Variants in TYW1 observed in about 807,000 individuals in gnomAD.
TYW1 encodes the protein S-adenosyl-L-methionine-dependent tRNA 4-demethylwyosine synthase TYW1.
A neutral mutation model predicts 96.2 loss-of-function variants in TYW1; 46 were observed. The ratio of observed to expected loss-of-function variants is 0.48; its 90% CI spans 0.38 to 0.61. The LOEUF is 0.61. Ranked by LOEUF, TYW1 falls within the 20% of genes least tolerant of loss-of-function variation. The pLI is 0.00. For missense variants in TYW1, 684 were observed against 909.6 expected (o/e 0.75, Z 3.19); for synonymous variants, 274 against 323.0 (o/e 0.85, Z 1.63).
intron 13 of TYW1, among the ~76,000 whole-genome samples, chr7:67,153,554 TA>T (rs1229183696): frequency 6.6e-6 from 1 of 152,252 alleles, no homozygotes; most frequent in South Asian, 2.1e-4. Flanking sequence ...GCTATATGTA[TA>T]ATGTAGTCTG....
intron 15 of TYW1, among the ~76,000 whole-genome samples, chr7:67,212,516 A>G (rs1801066188): frequency 6.6e-6 from 1 of 152,180 alleles, no homozygotes; most frequent in Non-Finnish European, 1.5e-5. Context: ...AAATATCTAA[A>G]TGCAATTGCT....
At chr7:67,120,669 A>G (rs1436313961) in intron 13 of TYW1, among the ~76,000 whole-genome samples, 2 of 152,226 alleles carry the variant, frequency 1.3e-5, no homozygotes, top group Non-Finnish European at 2.9e-5. Flanking sequence ...CCCATCTGAC[A>G]TTGTTATCTA....
At chr7:67,032,162 A>G (rs1794690954) in intron 7 of TYW1, among the ~76,000 whole-genome samples, 1 of 152,140 alleles carries the variant, frequency 6.6e-6, no homozygotes, top group Non-Finnish European at 1.5e-5. Flanking sequence ...AGAAAAGACC[A>G]TTGTCTGGAC....
In TYW1 at chr7:66,998,818, G is replaced by A; in HGVS notation, c.137G>A (p.Gly46Asp). 1.2e-6 allele frequency: 2 copies of A among 1,613,966 alleles called. No individual in the cohort carries two copies. Among genetic ancestry groups the A allele is most frequent in the South Asian group, 2.2e-5 (2 of 91,054 alleles). Residue 46 changes from glycine to aspartate, a missense_variant and splice_region_variant, in exon 3 of 16, where the codon GGC becomes GAC. Coordinates refer to ENST00000359626, the MANE Select transcript of TYW1 (RefSeq NM_018264.4). ...TTTGTGTAATTATTTGTCTTCAAGG[G>A]CAAGAACTTACAGGAAAAATCTGTT... ...ICVQIVIKTQ[G>D]KNLQEKSVPK...
intron 13 of TYW1, among the ~76,000 whole-genome samples, chr7:67,162,568 G>C (rs1001397174): frequency 6.6e-6 from 1 of 152,090 alleles, no homozygotes; most frequent in Non-Finnish European, 1.5e-5. Flanking sequence ...AGCATAATTT[G>C]GCTGTCTTAA....
At chr7:67,011,918 A>G (rs1389808615) in intron 4 of TYW1, among the ~76,000 whole-genome samples, 2 of 151,934 alleles carry the variant, frequency 1.3e-5, no homozygotes, top group Non-Finnish European at 1.5e-5. Context: ...GGGGTTGACA[A>G]ACTTTCACGT....
At chr7:67,114,935 CA>C (rs1478594439) in intron 12 of TYW1, among the ~76,000 whole-genome samples, 2 of 151,992 alleles carry the variant, frequency 1.3e-5, no homozygotes, top group Non-Finnish European at 2.9e-5. Flanking sequence ...TCCTTGAGTG[CA>C]GCATCTCAGA....
chr7:67,176,117 C>T (rs1020213979), intron 13 of TYW1, among the ~76,000 whole-genome samples: 17 of 152,082 alleles, frequency 1.1e-4, no homozygotes, highest in African/African-American at 3.9e-4. Context: ...ATTAAAATAT[C>T]AGTTAAATAT....
At chr7:67,123,688 A>AAG (rs1311308684) in intron 13 of TYW1, among the ~76,000 whole-genome samples, 1 of 152,214 alleles carries the variant, frequency 6.6e-6, no homozygotes, top group Non-Finnish European at 1.5e-5. Flanking sequence ...AAAGAAGGCA[A>AAG]AGAGGGAGTC....
chr7:67,208,412 T>C (rs35649461), intron 15 of TYW1, among the ~76,000 whole-genome samples: 40,717 of 150,956 alleles, frequency 0.27, 5,821 homozygotes, highest in African/African-American at 0.36. Flanking sequence ...CCCACAACCA[T>C]CGGGCGCGGT....
Position 67,098,564 on chromosome 7 carries a change from C to T in TYW1, c.1408C>T (p.Arg470Cys), listed in dbSNP as rs1016237223. ...FKGVPGVKAE[R>C]FEEGMTVKHC... ...AGGAGTACCGGGCGTCAAAGCAGAA[C>T]GCTTTGAAGAAGGAATGACGGTAAA... Residue 470 changes from arginine to cysteine, a missense_variant, in exon 12 of 16, where the codon CGC becomes TGC. Transcript: ENST00000359626. 21 of 1,593,684 alleles carry T rather than the reference C, an allele frequency of 1.3e-5. No homozygotes were observed. The highest frequency in any genetic ancestry group is 1.5e-5 in the Non-Finnish European group (17 of 1,167,180).
chr7:67,070,344 T>A (rs557985038), intron 10 of TYW1, among the ~76,000 whole-genome samples: 1 of 152,332 alleles, frequency 6.6e-6, no homozygotes, highest in East Asian at 1.9e-4. Context: ...TATCTCCTTC[T>A]GGAACTTTTA....
At chr7:67,069,367 C>T (rs1273033093) in intron 10 of TYW1, among the ~76,000 whole-genome samples, 1 of 152,070 alleles carries the variant, frequency 6.6e-6, no homozygotes, top group Non-Finnish European at 1.5e-5. Context: ...TACTGTATGC[C>T]CATTAACATA....
At chr7:67,046,063 A>G (rs1259913982) in intron 7 of TYW1, among the ~76,000 whole-genome samples, 6 of 152,178 alleles carry the variant, frequency 3.9e-5, no homozygotes, top group Non-Finnish European at 7.3e-5. Context: ...AGGCTGGGGC[A>G]GGTTTTATAG....
intron 14 of TYW1, among the ~76,000 whole-genome samples, chr7:67,193,587 C>G (rs10277509): frequency 0.25 from 38,130 of 151,896 alleles, 4,961 homozygotes; most frequent in African/African-American, 0.3. Context: ...GGCGAAACTC[C>G]ATCTCTACTA....
chr7:67,148,582 C>T (rs10259116), intron 13 of TYW1, among the ~76,000 whole-genome samples: 39,056 of 151,386 alleles, frequency 0.26, 5,483 homozygotes, highest in African/African-American at 0.37. Context: ...CCTGCCACCA[C>T]GCCCGGCTAA....
At chr7:67,168,844 T>C (rs1025618741) in intron 13 of TYW1, among the ~76,000 whole-genome samples, 2 of 152,112 alleles carry the variant, frequency 1.3e-5, no homozygotes, top group African/African-American at 4.8e-5. Flanking sequence ...CCCGAGTAGC[T>C]GGGACTACAG....
At chr7:67,075,627 G>A (rs891355022) in intron 10 of TYW1, among the ~76,000 whole-genome samples, 3 of 152,174 alleles carry the variant, frequency 2.0e-5, no homozygotes, top group Non-Finnish European at 2.9e-5. Context: ...ATCACAACAG[G>A]CTGCATCTAT....
chr7:67,041,463 C>T (rs11766984), intron 7 of TYW1, among the ~76,000 whole-genome samples: 9,595 of 152,128 alleles, frequency 0.063, 407 homozygotes, highest in South Asian at 0.11. Flanking sequence ...CCACGCCCGG[C>T]TAATTTTTGT....
Sources: gnomAD v4.1 joint callset for allele counts (sites outside exome capture counted in the v4.1 genomes callset) on GRCh38, gnomAD v4.1.1 for gene constraint, MANE v1.5 for transcripts, NCBI Gene and HGNC (gene_info 2026-07-23, HGNC 2026-07-21) for gene names.